CTNNA3: variants seen among roughly 807,000 people sequenced by gnomAD.
CTNNA3 encodes the protein catenin alpha-3.
A neutral mutation model predicts 95.7 loss-of-function variants in CTNNA3; 76 were observed. The ratio of observed to expected loss-of-function variants is 0.79; its 90% CI spans 0.66 to 0.96. CTNNA3 has a LOEUF of 0.96. Ranked by LOEUF, CTNNA3 falls within the 40% of genes least tolerant of loss-of-function variation. The probability of loss-of-function intolerance (pLI) is 0.00; values close to 1 mark genes in which losing one functional copy is unlikely to be tolerated. For synonymous variants in CTNNA3, 431 were observed against 374.4 expected (o/e 1.15, Z -1.74); for missense variants, 1,191 against 1,089.8 (o/e 1.09, Z -1.31).
In CTNNA3 at chr10:67,654,779, C is replaced by G. The variant is rs1003519763; in HGVS notation, c.-5-7261G>C. On this transcript the variant is annotated intron_variant, in intron 1 of 17. Transcript: ENST00000433211. ...TAAGCTGTGTGACAATATCTCTTCT[C>G]TTACTTCTCTTTCCTCCATCCAAAT... is the stretch of plus-strand genomic sequence containing the variant. Among the ~76,000 whole-genome samples, 11 of 152,322 alleles carry G rather than the reference C, an allele frequency of 7.2e-5. No homozygotes were observed. The South Asian group carries it at 1.0e-3, about 14-fold the overall frequency.
At chr10:65,952,551 T>G (rs1009737788) in intron 17 of CTNNA3, among the ~76,000 whole-genome samples, 2 of 152,196 alleles carry the variant, frequency 1.3e-5, no homozygotes, top group African/African-American at 2.4e-5. Flanking sequence ...TTTCCAATTT[T>G]TTTTTAATTT....
chr10:66,938,322 C>A (rs1847825215), intron 7 of CTNNA3, among the ~76,000 whole-genome samples: 1 of 152,072 alleles, frequency 6.6e-6, no homozygotes, highest in Non-Finnish European at 1.5e-5. Context: ...TAATATTTTA[C>A]TCCCCCAGAA....
chr10:66,630,415 CA>C, intron 9 of CTNNA3, among the ~76,000 whole-genome samples: 1 of 152,102 alleles, frequency 6.6e-6, no homozygotes, highest in East Asian at 1.9e-4. Context: ...GCTTGGGGGG[CA>C]GCTTCTTTCA....
intron 5 of CTNNA3, among the ~76,000 whole-genome samples, chr10:67,477,927 C>A (rs1239782551): frequency 3.3e-5 from 5 of 152,098 alleles, no homozygotes; most frequent in Non-Finnish European, 7.4e-5. Context: ...TGAAAATCAA[C>A]ACAAAGAAAC....
chr10:66,285,234 A>G (rs902868135), intron 12 of CTNNA3, among the ~76,000 whole-genome samples: 1 of 152,024 alleles, frequency 6.6e-6, no homozygotes, highest in African/African-American at 2.4e-5. Flanking sequence ...AATACTAGAG[A>G]GAAAGGACTT....
intron 13 of CTNNA3, among the ~76,000 whole-genome samples, chr10:66,258,567 G>A (rs886610530): frequency 6.6e-6 from 1 of 152,116 alleles, no homozygotes; most frequent in African/African-American, 2.4e-5. Context: ...CCCAGCCTTA[G>A]CCCTACCTGA....
chr10:67,527,220 G>A (rs1589391140), intron 4 of CTNNA3, among the ~76,000 whole-genome samples: 1 of 152,222 alleles, frequency 6.6e-6, no homozygotes, highest in South Asian at 2.1e-4. Context: ...TCGCACCACT[G>A]CACTCCAGCC....
intron 3 of CTNNA3, among the ~76,000 whole-genome samples, chr10:67,566,050 T>TATATATATATATATATATATAC (rs1841771723): frequency 1.3e-5 from 1 of 79,124 alleles, no homozygotes; most frequent in African/African-American, 4.8e-5. Context: ...TGTGTATATA[T>TATATATATATATATATATATAC]ATATATATAT....
At chr10:66,415,205 A>C (rs926497587) in intron 11 of CTNNA3, among the ~76,000 whole-genome samples, 2 of 152,100 alleles carry the variant, frequency 1.3e-5, no homozygotes, top group African/African-American at 4.8e-5. Context: ...AGCCTAGCCC[A>C]GGTTTCCCCA....
At chr10:65,922,800 C>A (rs2077110048) in intron 17 of CTNNA3, among the ~76,000 whole-genome samples, 1 of 151,956 alleles carries the variant, frequency 6.6e-6, no homozygotes, top group Non-Finnish European at 1.5e-5. Context: ...AAGATACTAC[C>A]CGAGACTGGG....
chr10:66,988,658 A>G (rs542051365), intron 7 of CTNNA3, among the ~76,000 whole-genome samples: 154 of 152,272 alleles, frequency 1.0e-3, no homozygotes, highest in African/African-American at 3.5e-3. Flanking sequence ...GCCAAAACCA[A>G]CAGTTCATGT....
chr10:66,315,517 T>C (rs971734049), intron 12 of CTNNA3, among the ~76,000 whole-genome samples: 4 of 150,886 alleles, frequency 2.7e-5, no homozygotes, highest in Non-Finnish European at 5.9e-5. Context: ...TGTGTGTGTG[T>C]GTGTGTGTGT....
At chr10:66,354,215 G>A (rs12771621) in intron 12 of CTNNA3, among the ~76,000 whole-genome samples, 30,669 of 151,716 alleles carry the variant, frequency 0.2, 3,629 homozygotes, top group East Asian at 0.51. Flanking sequence ...AACCCGGGAG[G>A]TGGAGGTTGC....
chr10:65,966,752 T>C lies in CTNNA3; in HGVS notation c.2266-6A>G. 1 of 1,601,288 alleles carries C rather than the reference T, an allele frequency of 6.2e-7. No individual in the cohort carries two copies. Among genetic ancestry groups the C allele is most frequent in the Non-Finnish European group, 8.5e-7 (1 of 1,170,732 alleles). ...TTACAAGATGGATCTGGGCACTAAATATGAATCAAAGATAAAAATAGATAC... is the reference window on the plus strand; with the variant it reads ...TTACAAGATGGATCTGGGCACTAAACATGAATCAAAGATAAAAATAGATAC... On this transcript the variant is annotated splice_polypyrimidine_tract_variant and splice_region_variant and intron_variant, in intron 16 of 17. Transcript: ENST00000433211.
chr10:67,712,436 G>A (rs1180888008), intron 1 of CTNNA3, among the ~76,000 whole-genome samples: 1 of 152,224 alleles, frequency 6.6e-6, no homozygotes, highest in Non-Finnish European at 1.5e-5. Flanking sequence ...CACAGGCCCA[G>A]AGGCCTAGGG....
intron 5 of CTNNA3, among the ~76,000 whole-genome samples, chr10:67,436,713 T>C (rs1245809195): frequency 6.6e-6 from 1 of 151,736 alleles, no homozygotes; most frequent in Non-Finnish European, 1.5e-5. Context: ...CCAACAAACA[T>C]ATGAAAAAAT....
intron 15 of CTNNA3, among the ~76,000 whole-genome samples, chr10:66,007,764 CCCTCTCTTCCTTCCTTTCCTCCCTT>C (rs1833027272): frequency 3.1e-5 from 1 of 32,588 alleles, no homozygotes; most frequent in Non-Finnish European, 5.6e-5. Context: ...CTCCCTCCCT[CCCTCTCTTCCTTCCTTTCCTCCCTT>C]CCTCCCTTCC....
chr10:66,823,590 T>C (rs1482975221), intron 7 of CTNNA3, among the ~76,000 whole-genome samples: 4 of 152,166 alleles, frequency 2.6e-5, no homozygotes, highest in Non-Finnish European at 5.9e-5. Context: ...GCTGCTGTTA[T>C]TAGAATCATG....
intron 7 of CTNNA3, among the ~76,000 whole-genome samples, chr10:66,886,860 C>T (rs886452570): frequency 6.6e-6 from 1 of 152,178 alleles, no homozygotes; most frequent in Non-Finnish European, 1.5e-5. Context: ...GCAAGGCTTA[C>T]ATTTCTCAGA....
Sources: allele counts gnomAD v4.1 joint callset (sites outside exome capture counted in the v4.1 genomes callset), GRCh38; gene constraint gnomAD v4.1.1; transcripts MANE v1.5; gene names NCBI Gene and HGNC (gene_info 2026-07-23, HGNC 2026-07-21).